MGRN1: variants seen among roughly 807,000 people sequenced by gnomAD.
The protein encoded by MGRN1 is mahogunin ring finger 1, also known as E3 ubiquitin-protein ligase MGRN1.
MGRN1 carries 29 observed loss-of-function variants against 69.2 expected under a neutral mutation model. The observed-to-expected ratio is 0.42, with a 90% confidence interval of 0.31 to 0.57. MGRN1 has a LOEUF of 0.57. MGRN1 is among the 20% of genes least tolerant of loss of function. The pLI, the probability that MGRN1 is intolerant of heterozygous loss-of-function variation, is 0.15. For synonymous variants in MGRN1, 470 were observed against 344.2 expected, an observed-to-expected ratio of 1.37 and a Z score of -4.04; for missense variants, 998 against 796.2, an observed-to-expected ratio of 1.25 and a Z score of -3.05.
Position 4,673,513 on chromosome 16 carries a change from A to G in MGRN1, c.811A>G (p.Asn271Asp). The G allele has an allele frequency of 6.2e-7, 1 of 1,613,210 alleles. No individual in the cohort carries two copies. Among genetic ancestry groups the G allele is most frequent in the South Asian group, 1.1e-5 (1 of 91,062 alleles). Residue 271 changes from asparagine to aspartate, a missense_variant, in exon 10 of 17, where the codon AAC (asparagine) becomes GAC (aspartate). Transcript: ENST00000262370. ...NQETKPSDDE[N>D]SDNSNECVVC... The stretch of plus-strand genomic sequence containing the variant: ...GTCCCGGCAGCCCTCGGACGACGAG[A>G]ACAGCGACAACAGCAACGAGTGTGT...
At chr16:4,641,507 C>A (rs1209836644) in intron 1 of MGRN1, among the ~76,000 whole-genome samples, 1 of 149,060 alleles carries the variant, frequency 6.7e-6, no homozygotes, top group Non-Finnish European at 1.5e-5. Flanking sequence ...TACCACTGTG[C>A]CTGGCTACTT....
chr16:4,632,207 G>GA (rs1053806376), intron 1 of MGRN1, among the ~76,000 whole-genome samples: 34 of 149,178 alleles, frequency 2.3e-4, no homozygotes, highest in African/African-American at 8.4e-4. Flanking sequence ...AGTAGAGATG[G>GA]GTTTCACCAT....
intron 5 of MGRN1, among the ~76,000 whole-genome samples, chr16:4,661,268 C>G (rs1291435120): frequency 1.3e-5 from 2 of 152,168 alleles, no homozygotes; most frequent in Non-Finnish European, 2.9e-5. Flanking sequence ...CGTGAGCCAC[C>G]ACGTCAGGCC....
chr16:4,654,023 A>G (rs1032768156), intron 4 of MGRN1, among the ~76,000 whole-genome samples: 1 of 152,160 alleles, frequency 6.6e-6, no homozygotes, highest in Non-Finnish European at 1.5e-5. Context: ...AAGTGCTGAG[A>G]TTACAGCCGT....
At chr16:4,659,971 C>G (rs1332825829) in intron 5 of MGRN1, among the ~76,000 whole-genome samples, 1 of 152,186 alleles carries the variant, frequency 6.6e-6, no homozygotes, top group African/African-American at 2.4e-5. Flanking sequence ...CTTTGTGGCC[C>G]CATTTGGGGC....
intron 1 of MGRN1, among the ~76,000 whole-genome samples, chr16:4,636,937 G>A (rs1012942515): frequency 1.3e-5 from 2 of 151,298 alleles, no homozygotes; most frequent in African/African-American, 2.4e-5. Flanking sequence ...GGCTAACATG[G>A]TAAAACCCCG....
intron 10 of MGRN1, among the ~76,000 whole-genome samples, chr16:4,676,503 G>T (rs1306137427): frequency 6.6e-6 from 1 of 152,222 alleles, no homozygotes; most frequent in African/African-American, 2.4e-5. Flanking sequence ...CAGAGCTCCC[G>T]TGTGGCTTTG....
chr16:4,642,022 A>G (rs1048524694), intron 1 of MGRN1, among the ~76,000 whole-genome samples: 3 of 150,212 alleles, frequency 2.0e-5, no homozygotes, highest in East Asian at 4.0e-4. Flanking sequence ...TGAGTTGTTG[A>G]TTGTCTGCGC....
intron 9 of MGRN1, 123 bp from the exon 10 acceptor site, chr16:4,673,375 C>G (rs937800583): frequency 7.5e-7 from 1 of 1,334,834 alleles, no homozygotes; most frequent in Non-Finnish European, 1.0e-6. Context: ...CCCCTCTGGA[C>G]TTCTCTTTGT....
intron 12 of MGRN1, among the ~76,000 whole-genome samples, chr16:4,680,840 C>T (rs1303461563): frequency 6.6e-6 from 1 of 152,196 alleles, no homozygotes; most frequent in East Asian, 1.9e-4. Flanking sequence ...CATCCCGCAC[C>T]CATCTCACTT....
intron 7 of MGRN1, among the ~76,000 whole-genome samples, chr16:4,665,916 G>A (rs1421149797): frequency 6.6e-6 from 1 of 150,974 alleles, no homozygotes; most frequent in East Asian, 2.0e-4. Context: ...TGCAGCCTAC[G>A]CCTCCCGGGT....
In MGRN1 at chr16:4,688,911, G is replaced by C. The variant is rs764454383; in HGVS notation, c.*3G>C. 2.6e-6 allele frequency: 4 copies of C among 1,537,426 alleles called. No homozygotes were observed. The highest frequency in any genetic ancestry group is 3.5e-6 in the Non-Finnish European group (4 of 1,137,032). ...CCGCCGAGCTGACCCCACTCTGAGA[G>C]CCTGGCCGAGCTGGCAGCATGGAGC... On this transcript the variant is annotated 3_prime_UTR_variant, in exon 17 of 17. Transcript: ENST00000262370.
At chr16:4,650,282 G>A (rs1468990763) in intron 1 of MGRN1, 83 bp from the exon 2 acceptor site, 1 of 1,080,654 alleles carries the variant, frequency 9.3e-7, no homozygotes, top group Non-Finnish European at 1.3e-6. Context: ...CAGCCTGGGT[G>A]GAGCGCCACT....
At chr16:4,670,731 ACT>A (rs1255985469) in intron 8 of MGRN1, among the ~76,000 whole-genome samples, 2 of 151,966 alleles carry the variant, frequency 1.3e-5, no homozygotes, top group African/African-American at 4.8e-5. Context: ...GGTGCAGCAA[ACT>A]CTAGCAGGTC....
At chr16:4,683,339 G>A in intron 15 of MGRN1, 70 bp downstream of exon 15, 2 of 1,557,188 alleles carry the variant, frequency 1.3e-6, no homozygotes, top group Non-Finnish European at 1.8e-6. Context: ...TGGGGCCTTA[G>A]GGCTCCAGGT....
intron 1 of MGRN1, among the ~76,000 whole-genome samples, chr16:4,646,495 G>A (rs1201903112): frequency 6.6e-6 from 1 of 152,008 alleles, no homozygotes; most frequent in African/African-American, 2.4e-5. Flanking sequence ...CTGCCTCCCT[G>A]GCTCACAGGC....
Position 4,637,118 on chromosome 16 carries a change from CAAAA to C in MGRN1, c.88+12090_88+12093del, listed in dbSNP as rs36033548. ...CGGGCGACAGAGCAAGACTCCATCTCAAAAAAAAAAAAAAAAAAAAAAATTGAGT... is the reference window on the plus strand; with the variant it reads ...CGGGCGACAGAGCAAGACTCCATCTCAAAAAAAAAAAAAAAAAAATTGAGT... On this transcript the variant is annotated intron_variant, in intron 1 of 16. Transcript: ENST00000262370. Among the ~76,000 whole-genome samples, 9 of 48,482 alleles carry C rather than the reference CAAAA, an allele frequency of 1.9e-4. No individual in the cohort carries two copies. The Admixed American group carries it at 1.9e-3, about 10-fold the overall frequency. The allele number at this position is 48,482 out of a possible 152,430, so 31.8% of individuals were successfully genotyped here.
At position 4,683,885 on chromosome 16, in the gene MGRN1, G is replaced by C. The variant is rs1372006912; in HGVS notation, c.1571G>C (p.Ser524Thr). 6.3e-7 allele frequency: 1 copy of C among 1,594,912 alleles called. No individual in the cohort carries two copies. The highest frequency in any genetic ancestry group is 8.6e-7 in the Non-Finnish European group (1 of 1,169,452). Residue 524 changes from serine to threonine, a missense_variant, in exon 16 of 17, where the codon AGC becomes ACC. Physicochemically the swap from Ser to Thr is moderately conservative, Grantham distance 58. Transcript: ENST00000262370. ...ATTGAGAATGTCCTGCAGGACAGCA[G>C]CCCCGAGCACTGTGGCCGAGGCCCA... Reference protein sequence around the residue: ...ASIENVLQDSSPEHCGRGPPA... With the variant: ...ASIENVLQDSTPEHCGRGPPA...
At chr16:4,653,353 G>A (rs529524995) in intron 4 of MGRN1, among the ~76,000 whole-genome samples, 1 of 152,306 alleles carries the variant, frequency 6.6e-6, no homozygotes, top group South Asian at 2.1e-4. Context: ...AAGCTCTCCT[G>A]AAAACCCCAT....
Sources: allele counts gnomAD v4.1 joint callset (sites outside exome capture counted in the v4.1 genomes callset), GRCh38; gene constraint gnomAD v4.1.1; transcripts MANE v1.5; gene names NCBI Gene and HGNC (gene_info 2026-07-23, HGNC 2026-07-21).